Variants in TMCC1 observed in about 807,000 individuals in gnomAD.
TMCC1 encodes transmembrane and coiled-coil domains protein 1.
Under a neutral mutation model 52.4 loss-of-function variants are expected in TMCC1, and 15 were observed. That is an observed-to-expected ratio of 0.29 (90% CI 0.19 to 0.44). The LOEUF (loss-of-function observed/expected upper bound fraction) is 0.44, where lower values mean the gene tolerates loss of function less well. Among genes scored for constraint, TMCC1 ranks in the 20% least tolerant of loss-of-function variants. The pLI, the probability that TMCC1 is intolerant of heterozygous loss-of-function variation, is 1.00. For missense variants in TMCC1, 503 were observed against 806.0 expected (o/e 0.62, Z 4.55); for synonymous variants, 279 against 301.9 (o/e 0.92, Z 0.79).
At chr3:129,869,524 C>A (rs778351928) in intron 2 of TMCC1, among the ~76,000 whole-genome samples, 12 of 152,150 alleles carry the variant, frequency 7.9e-5, no homozygotes, top group Non-Finnish European at 1.3e-4. Flanking sequence ...CAGCAGCAGT[C>A]TTTTGGGACT....
chr3:129,658,264 T>C (rs2108854454), intron 5 of TMCC1, among the ~76,000 whole-genome samples: 1 of 152,364 alleles, frequency 6.6e-6, no homozygotes, highest in East Asian at 1.9e-4. Flanking sequence ...GGCTGACTTA[T>C]GCCTTCACTC....
chr3:129,804,071 A>G (rs62265582), intron 4 of TMCC1, among the ~76,000 whole-genome samples: 12,759 of 152,174 alleles, frequency 0.084, 725 homozygotes, highest in East Asian at 0.19. Context: ...ATAGACTACA[A>G]AAACATCTGT....
intron 4 of TMCC1, among the ~76,000 whole-genome samples, chr3:129,682,398 T>G (rs2089063777): frequency 6.6e-6 from 1 of 152,220 alleles, no homozygotes; most frequent in Non-Finnish European, 1.5e-5. Context: ...ATATAACAAT[T>G]AAAACTGACA....
At chr3:129,695,771 C>G (rs1384271834) in intron 4 of TMCC1, among the ~76,000 whole-genome samples, 1 of 152,106 alleles carries the variant, frequency 6.6e-6, no homozygotes. Flanking sequence ...AATCTCATGT[C>G]CTCACATTTC....
chr3:129,733,289 C>T (rs911414790), intron 4 of TMCC1, among the ~76,000 whole-genome samples: 1 of 152,186 alleles, frequency 6.6e-6, no homozygotes, highest in Non-Finnish European at 1.5e-5. Flanking sequence ...GTACATGAAA[C>T]AACACAGCCT....
chr3:129,810,291 G>C (rs540268251), intron 4 of TMCC1, among the ~76,000 whole-genome samples: 38 of 152,220 alleles, frequency 2.5e-4, no homozygotes, highest in African/African-American at 8.4e-4. Context: ...CCAGGAGGCA[G>C]GGGTTGCAGT....
At chr3:129,849,012 G>A (rs1419913909) in intron 2 of TMCC1, among the ~76,000 whole-genome samples, 1 of 152,142 alleles carries the variant, frequency 6.6e-6, no homozygotes, top group African/African-American at 2.4e-5. Context: ...TATGCACATG[G>A]AAAACACTTA....
chr3:129,783,018 C>T (rs1212927517), intron 4 of TMCC1, among the ~76,000 whole-genome samples: 1 of 152,224 alleles, frequency 6.6e-6, no homozygotes, highest in African/African-American at 2.4e-5. Context: ...GAGTAACAGG[C>T]AACGTGATTC....
intron 4 of TMCC1, among the ~76,000 whole-genome samples, chr3:129,778,535 T>G (rs2055227788): frequency 6.6e-6 from 1 of 152,164 alleles, no homozygotes; most frequent in African/African-American, 2.4e-5. Flanking sequence ...CTCAAGGCAA[T>G]GTACTCCCTT....
rs557609101 is a variant in TMCC1, at chr3:129,817,618, C to T, written c.576+10185G>A. On this transcript the variant is annotated intron_variant, in intron 4 of 6. Coordinates refer to ENST00000393238, the MANE Select transcript of TMCC1 (RefSeq NM_001017395.5). ...TCCCACATCTTCATATTTTGATTTT[C>T]AGAGTGGCTGAAGTTTCTATTAAGC... Among the ~76,000 whole-genome samples the T allele has an allele frequency of 4.6e-5, 7 of 152,186 alleles. No homozygotes were observed. In the South Asian group the frequency reaches 1.2e-3, roughly 27 times the overall value.
At chr3:129,891,995 A>G (rs981828006) in intron 1 of TMCC1, among the ~76,000 whole-genome samples, 2 of 152,224 alleles carry the variant, frequency 1.3e-5, no homozygotes, top group African/African-American at 4.8e-5. Context: ...TGCTCATAAA[A>G]GAGTCCTTCT....
At chr3:129,868,627 C>G (rs9829958) in intron 2 of TMCC1, among the ~76,000 whole-genome samples, 263 of 152,206 alleles carry the variant, frequency 1.7e-3, no homozygotes, top group Middle Eastern at 3.4e-3. Context: ...TTAGTAGTGA[C>G]GGGGTTTCAC....
intron 2 of TMCC1, among the ~76,000 whole-genome samples, chr3:129,879,261 C>T (rs1228497913): frequency 6.6e-6 from 1 of 152,072 alleles, no homozygotes; most frequent in African/African-American, 2.4e-5. Flanking sequence ...GGCAACATAG[C>T]GAGACCCTCA....
chr3:129,782,822 C>T (rs2055646348), intron 4 of TMCC1, among the ~76,000 whole-genome samples: 1 of 152,066 alleles, frequency 6.6e-6, no homozygotes, highest in Non-Finnish European at 1.5e-5. Flanking sequence ...GAGATAGACA[C>T]AGAAAATATT....
At position 129,711,864 on chromosome 3, in the gene TMCC1, T is replaced by C. The variant is rs533128105; in HGVS notation, c.577-40600A>G. ...AAAAAATACAAAAATCAGCTGGGCA[T>C]GGTGGCACACATCTATAATCCCAGC... On this transcript the variant is annotated intron_variant, in intron 4 of 6. Coordinates refer to ENST00000393238, the MANE Select transcript of TMCC1 (RefSeq NM_001017395.5). 2.0e-3 allele frequency among the ~76,000 whole-genome samples: 291 copies of C among 147,642 alleles called. 1 individual carries two copies. The highest frequency in any genetic ancestry group is 7.1e-3 in the African/African-American group (284 of 40,206).
chr3:129,809,921 G>C (rs1384091814), intron 4 of TMCC1, among the ~76,000 whole-genome samples: 1 of 152,038 alleles, frequency 6.6e-6, no homozygotes, highest in Admixed American at 6.6e-5. Context: ...TAGTTTTACT[G>C]ATTTTATGTA....
At position 129,890,018 on chromosome 3, in the gene TMCC1, G is replaced by T. The variant is rs181575272; in HGVS notation, c.-435+3476C>A. Reference sequence around the variant, plus strand: ...AAATTAAAATGGCTGGGGCATGGTGGCTCATGCTTATAAACCCAGCACTTT... The same window carrying T: ...AAATTAAAATGGCTGGGGCATGGTGTCTCATGCTTATAAACCCAGCACTTT... On this transcript the variant is annotated intron_variant, in intron 1 of 6. Transcript: ENST00000393238. Among the ~76,000 whole-genome samples the T allele has an allele frequency of 9.9e-5, 15 of 152,152 alleles. No homozygotes were observed. In the East Asian group the frequency reaches 2.7e-3, roughly 27 times the overall value.
rs1272377434 is a variant in TMCC1, at chr3:129,845,216, ACAC to A, written c.-183-12393_-183-12391del. Among the ~76,000 whole-genome samples the A allele has an allele frequency of 2.7e-5, 4 of 149,168 alleles. 1 individual carries two copies. The highest frequency in any genetic ancestry group is 6.4e-3 in the Middle Eastern group (2 of 312). ...CACACACACACACACACACACACAC[ACAC>A]AATGCTAGAACTACTTCCATAATGG... On this transcript the variant is annotated intron_variant, in intron 2 of 6. Transcript: ENST00000393238.
intron 4 of TMCC1, among the ~76,000 whole-genome samples, chr3:129,816,443 T>C (rs751724230): frequency 3.9e-5 from 6 of 152,128 alleles, no homozygotes; most frequent in Non-Finnish European, 7.4e-5. Context: ...GCAACATGGA[T>C]GGAAATGGAA....
Sources: allele counts gnomAD v4.1 joint callset (sites outside exome capture counted in the v4.1 genomes callset), GRCh38; gene constraint gnomAD v4.1.1; transcripts MANE v1.5; gene names NCBI Gene and HGNC (gene_info 2026-07-23, HGNC 2026-07-21).